The following SNX29 variants were observed in gnomAD, a reference collection of about 807,000 sequenced individuals.
The protein encoded by SNX29 is sorting nexin 29, also known as sorting nexin-29.
A neutral mutation model predicts 102.1 loss-of-function variants in SNX29; 78 were observed. That is an observed-to-expected ratio of 0.76 (90% CI 0.64 to 0.92). The LOEUF (loss-of-function observed/expected upper bound fraction) is 0.92. Among genes scored for constraint, SNX29 ranks in the 40% least tolerant of loss-of-function variants. SNX29 has a pLI of 0.00. For synonymous variants in SNX29, 580 were observed against 414.5 expected, an observed-to-expected ratio of 1.40 and a Z score of -4.85; for missense variants, 1,280 against 1,061.7, an observed-to-expected ratio of 1.21 and a Z score of -2.86.
intron 20 of SNX29, among the ~76,000 whole-genome samples, chr16:12,566,122 A>C (rs1018864391): frequency 1.3e-5 from 2 of 152,190 alleles, no homozygotes; most frequent in Non-Finnish European, 2.9e-5. Flanking sequence ...ATTCTGTCCA[A>C]GGCTCAGAGG....
chr16:12,187,995 C>T (rs2076553071), intron 13 of SNX29, among the ~76,000 whole-genome samples: 1 of 152,178 alleles, frequency 6.6e-6, no homozygotes. Flanking sequence ...GGGAAGAGGA[C>T]TCAGTCGTTT....
Position 12,403,528 on chromosome 16 carries a change from A to C in SNX29, c.2036A>C (p.Gln679Pro), listed in dbSNP as rs994896795. 49 of 1,602,954 alleles carry C rather than the reference A, an allele frequency of 3.1e-5. No homozygotes were observed. The highest frequency in any genetic ancestry group is 4.2e-5 in the Non-Finnish European group (49 of 1,174,492). Residue 679 changes from glutamine (Q) to proline (P), a missense_variant and splice_region_variant, in exon 18 of 21, where the codon CAG (glutamine) becomes CCG (proline). Coordinates refer to ENST00000566228, the MANE Select transcript of SNX29 (RefSeq NM_032167.5). Reference sequence around the variant, plus strand: ...GCAGCAAATGCATTCCACGTGTATCAGGTGAGTGCCTGGTTTTCAGGTGGA... The same window carrying C: ...GCAGCAAATGCATTCCACGTGTATCCGGTGAGTGCCTGGTTTTCAGGTGGA... The part of the protein sequence containing the change: ...GKAANAFHVY[Q>P]VYIRIKDDEW...
intron 16 of SNX29, among the ~76,000 whole-genome samples, chr16:12,392,731 C>G (rs546729853): frequency 4.9e-4 from 74 of 152,264 alleles, no homozygotes; most frequent in Middle Eastern, 3.4e-3. Context: ...AATCCTTGAC[C>G]TCAGCTGTTT....
chr16:12,543,946 A>G (rs559734163), intron 20 of SNX29, among the ~76,000 whole-genome samples: 2 of 152,314 alleles, frequency 1.3e-5, no homozygotes, highest in African/African-American at 4.8e-5. Context: ...GTTCTAAGCG[A>G]GGAGCCTATC....
intron 20 of SNX29, among the ~76,000 whole-genome samples, chr16:12,555,576 C>G (rs1409042621): frequency 1.3e-5 from 2 of 151,866 alleles, no homozygotes; most frequent in Non-Finnish European, 1.5e-5. Context: ...TCTCTCACCT[C>G]CATTTCTCCC....
chr16:12,525,673 C>T (rs928786943), intron 20 of SNX29, among the ~76,000 whole-genome samples: 3 of 147,692 alleles, frequency 2.0e-5, no homozygotes, highest in African/African-American at 7.5e-5. Flanking sequence ...GCCTGGGTGA[C>T]AGAGCAAGAC....
chr16:12,128,474 A>T (rs1378914857), intron 12 of SNX29, among the ~76,000 whole-genome samples: 1 of 124,672 alleles, frequency 8.0e-6, no homozygotes, highest in African/African-American at 3.3e-5. Flanking sequence ...TTTTTTTGAG[A>T]CGGAGTCTTG....
intron 3 of SNX29, among the ~76,000 whole-genome samples, chr16:12,023,302 T>C (rs1203209227): frequency 1.3e-5 from 2 of 148,810 alleles, no homozygotes; most frequent in African/African-American, 5.0e-5. Flanking sequence ...TTTGGTGTGA[T>C]AAAATGGCAA....
At position 12,568,587 on chromosome 16, in the gene SNX29, C is replaced by G. The variant is rs1489875275; in HGVS notation, c.2400C>G (p.Pro800=). Residue 800 remains proline, a synonymous_variant, in exon 21 of 21, where the codon CCC becomes CCG. Coordinates refer to ENST00000566228, the MANE Select transcript of SNX29 (RefSeq NM_032167.5). ...SRFPKLSRGQ[P]RETRNVEPQS... ...TCCCCAAACTGTCCCGGGGTCAGCC[C>G]CGGGAGACCCGCAACGTGGAGCCCC... The G allele has an allele frequency of 6.2e-7, 1 of 1,606,578 alleles. No homozygotes were observed. Among genetic ancestry groups the G allele is most frequent in the Non-Finnish European group, 8.5e-7 (1 of 1,179,834 alleles).
chr16:12,427,923 T>C (rs539106056), intron 18 of SNX29, among the ~76,000 whole-genome samples: 13 of 152,338 alleles, frequency 8.5e-5, no homozygotes, highest in Admixed American at 8.5e-4. Context: ...TAAACTCCAA[T>C]TTAGCAGTTA....
At chr16:12,550,100 G>A (rs996725342) in intron 20 of SNX29, among the ~76,000 whole-genome samples, 2 of 152,226 alleles carry the variant, frequency 1.3e-5, no homozygotes, top group Non-Finnish European at 2.9e-5. Context: ...CTATGGGCTA[G>A]AATACTGAGG....
chr16:12,526,008 G>C (rs1015522048), intron 20 of SNX29, among the ~76,000 whole-genome samples: 1 of 152,106 alleles, frequency 6.6e-6, no homozygotes, highest in Non-Finnish European at 1.5e-5. Context: ...GCCCGACTTG[G>C]TTTTTATGGT....
At chr16:12,222,758 G>T (rs1384963195) in intron 14 of SNX29, among the ~76,000 whole-genome samples, 1 of 152,112 alleles carries the variant, frequency 6.6e-6, no homozygotes. Flanking sequence ...TAGTAGAGAT[G>T]AGGTTTTGCC....
intron 18 of SNX29, among the ~76,000 whole-genome samples, chr16:12,446,009 AGCTCCT>A (rs1235281438): frequency 6.6e-6 from 1 of 150,828 alleles, no homozygotes; most frequent in Non-Finnish European, 1.5e-5. Flanking sequence ...GCTTCCATGC[AGCTCCT>A]GGACGTGCAG....
At chr16:12,209,170 G>A (rs1384985709) in intron 14 of SNX29, among the ~76,000 whole-genome samples, 1 of 152,166 alleles carries the variant, frequency 6.6e-6, no homozygotes, top group Non-Finnish European at 1.5e-5. Flanking sequence ...TGAAACTCAC[G>A]GGTTGCAGGG....
chr16:12,551,262 G>C (rs1000184188), intron 20 of SNX29, among the ~76,000 whole-genome samples: 10 of 152,136 alleles, frequency 6.6e-5, no homozygotes, highest in African/African-American at 1.7e-4. Context: ...CTGCTCCGGA[G>C]GTTCAGACAC....
chr16:12,553,127 G>C (rs900237157), intron 20 of SNX29, among the ~76,000 whole-genome samples: 2 of 151,772 alleles, frequency 1.3e-5, no homozygotes, highest in African/African-American at 4.9e-5. Context: ...GAGGGCCTTG[G>C]GCTTCTGGCT....
chr16:12,563,565 C>T (rs1211643494), intron 20 of SNX29, among the ~76,000 whole-genome samples: 1 of 152,144 alleles, frequency 6.6e-6, no homozygotes, highest in Admixed American at 6.5e-5. Flanking sequence ...GTCTACCCCA[C>T]CCCTTTGGGT....
At chr16:12,534,415 C>G (rs1195227004) in intron 20 of SNX29, among the ~76,000 whole-genome samples, 1 of 152,194 alleles carries the variant, frequency 6.6e-6, no homozygotes, top group Non-Finnish European at 1.5e-5. Flanking sequence ...CTCTGTGTAG[C>G]CAGCGGCTGC....
Sources: allele counts gnomAD v4.1 joint callset (sites outside exome capture counted in the v4.1 genomes callset), GRCh38; gene constraint gnomAD v4.1.1; transcripts MANE v1.5; gene names NCBI Gene and HGNC (gene_info 2026-07-23, HGNC 2026-07-21).